Variants in DTNB observed in about 807,000 individuals in gnomAD.
The protein encoded by DTNB is DTN-B.
Under a neutral mutation model 90.7 loss-of-function variants are expected in DTNB, and 63 were observed. The observed-to-expected ratio is 0.69, with a 90% CI of 0.57 to 0.86. The LOEUF (loss-of-function observed/expected upper bound fraction) is 0.86, where lower values mean the gene tolerates loss of function less well. Among genes scored for constraint, DTNB ranks in the 40% least tolerant of loss-of-function variants. DTNB has a pLI of 0.00. For missense variants in DTNB, 744 were observed against 807.1 expected, an observed-to-expected ratio of 0.92 and a Z score of 0.95; for synonymous variants, 277 against 286.7, an observed-to-expected ratio of 0.97 and a Z score of 0.34.
In DTNB at chr2:25,411,904, G is replaced by A. The variant is rs537836095; in HGVS notation, c.1575+7611C>T. Reference sequence around the variant, plus strand: ...GGAAGTAGACTCAGGCTTCTATTTCGGAAGATTAAGAGCCACGGAGCCCAG... The same window carrying A: ...GGAAGTAGACTCAGGCTTCTATTTCAGAAGATTAAGAGCCACGGAGCCCAG... On this transcript the variant is annotated intron_variant, in intron 16 of 20. Coordinates refer to ENST00000406818, the MANE Select transcript of DTNB (RefSeq NM_021907.5). 2.0e-4 allele frequency among the ~76,000 whole-genome samples: 31 copies of A among 152,208 alleles called. 1 individual carries two copies. The highest frequency in any genetic ancestry group is 1.7e-3 in the Admixed American group (26 of 15,284).
At chr2:25,417,955 T>C (rs927205314) in intron 16 of DTNB, among the ~76,000 whole-genome samples, 1 of 152,152 alleles carries the variant, frequency 6.6e-6, no homozygotes, top group Admixed American at 6.5e-5. Flanking sequence ...GGTCATGTGA[T>C]TTGCTCTGGC....
At chr2:25,585,839 T>C (rs913077304) in intron 6 of DTNB, among the ~76,000 whole-genome samples, 1 of 152,218 alleles carries the variant, frequency 6.6e-6, no homozygotes, top group Admixed American at 6.5e-5. Flanking sequence ...AGGGCAAACA[T>C]ACATTAATCA....
rs998999580 is a variant in DTNB at position 25,481,811 on chromosome 2, T to C, written c.1079+985A>G. The C allele has an allele frequency of 8.5e-5, 13 of 152,358 alleles. No homozygotes were observed. The East Asian group carries it at 2.5e-3, about 29-fold the overall frequency. 9.4% of individuals were successfully genotyped at this position (152,358 alleles called of 1,614,324 possible). On this transcript the variant is annotated intron_variant, in intron 10 of 20. Coordinates refer to ENST00000406818, the MANE Select transcript of DTNB (RefSeq NM_021907.5). Reference sequence around the variant, plus strand: ...TCTTCAGAAATTCCAGTTCACTGGGTCTGATGTTGTCCCAGAAATCTGTTT... The same window carrying C: ...TCTTCAGAAATTCCAGTTCACTGGGCCTGATGTTGTCCCAGAAATCTGTTT...
At chr2:25,632,869 T>C (rs923126756) in intron 3 of DTNB, among the ~76,000 whole-genome samples, 2 of 152,140 alleles carry the variant, frequency 1.3e-5, no homozygotes, top group African/African-American at 2.4e-5. Context: ...AATAGTAAAA[T>C]GAAAGGTTTT....
intron 9 of DTNB, among the ~76,000 whole-genome samples, chr2:25,486,647 A>AG (rs2066239181): frequency 6.6e-6 from 1 of 152,004 alleles, no homozygotes; most frequent in Non-Finnish European, 1.5e-5. Context: ...AAAAAAAAAA[A>AG]AAGGTAATAC....
intron 5 of DTNB, among the ~76,000 whole-genome samples, chr2:25,603,129 A>C (rs919392247): frequency 3.9e-5 from 6 of 152,220 alleles, no homozygotes; most frequent in African/African-American, 1.4e-4. Context: ...TAAATTTATG[A>C]ATCTTTTGCT....
In DTNB at chr2:25,434,104, C is replaced by A. The variant is rs147271892; in HGVS notation, c.1258-109G>T. The A allele has an allele frequency of 7.6e-5, 75 of 981,164 alleles. No individual in the cohort carries two copies. The East Asian group carries it at 1.9e-3, about 25-fold the overall frequency. The allele number at this position is 981,164 out of a possible 1,614,324, so 60.8% of individuals were successfully genotyped here. On this transcript the variant is annotated intron_variant, in intron 12 of 20. Coordinates refer to ENST00000406818, the MANE Select transcript of DTNB (RefSeq NM_021907.5). ...GATTTTTGACATATAATTTACATAT[C>A]ATAAATCCACCCGTTTTAAGTATAC... is the stretch of plus-strand genomic sequence containing the variant.
At chr2:25,657,417 T>C (rs552707120) in intron 1 of DTNB, among the ~76,000 whole-genome samples, 1 of 152,106 alleles carries the variant, frequency 6.6e-6, no homozygotes, top group South Asian at 2.1e-4. Flanking sequence ...AGTACTTGTA[T>C]ACAAATTATA....
chr2:25,629,768 A>G (rs898214481), intron 3 of DTNB, among the ~76,000 whole-genome samples: 11 of 152,256 alleles, frequency 7.2e-5, no homozygotes, highest in African/African-American at 2.7e-4. Context: ...CAACCTGATA[A>G]AGGGCATCTA....
At chr2:25,406,070 G>T (rs1170045516) in intron 16 of DTNB, among the ~76,000 whole-genome samples, 1 of 152,112 alleles carries the variant, frequency 6.6e-6, no homozygotes, top group Non-Finnish European at 1.5e-5. Context: ...GGATATGGTG[G>T]GTGCTGATAA....
chr2:25,620,946 G>C (rs1194687313), intron 4 of DTNB, among the ~76,000 whole-genome samples: 3 of 152,142 alleles, frequency 2.0e-5, no homozygotes, highest in Admixed American at 6.5e-5. Flanking sequence ...AGAACTGCTT[G>C]AGCCCAGGAG....
chr2:25,433,815 G>C, intron 13 of DTNB, 95 bp downstream of exon 13: 2 of 1,424,402 alleles, frequency 1.4e-6, no homozygotes, highest in Middle Eastern at 1.8e-4. Flanking sequence ...CTTCCTTGGC[G>C]GTCAAAAGCC....
intron 16 of DTNB, among the ~76,000 whole-genome samples, chr2:25,399,910 C>T (rs1226044863): frequency 2.7e-5 from 3 of 112,102 alleles, no homozygotes; most frequent in South Asian, 2.8e-4. Flanking sequence ...CAAGAACCAA[C>T]ACTTTGCTTC....
intron 16 of DTNB, 127 bp from the exon 17 acceptor site, chr2:25,388,488 C>T: frequency 2.3e-6 from 3 of 1,303,852 alleles, no homozygotes; most frequent in Non-Finnish European, 3.1e-6. Flanking sequence ...CAAGATCATA[C>T]TTGAAAGGAA....
At position 25,383,879 on chromosome 2, in the gene DTNB, A is replaced by G. The variant is rs1373817001; in HGVS notation, c.1836T>C (p.Gly612=). 2 of 1,613,792 alleles carry G rather than the reference A, an allele frequency of 1.2e-6. No individual in the cohort carries two copies. Among genetic ancestry groups the G allele is most frequent in the Non-Finnish European group, 1.7e-6 (2 of 1,179,886 alleles). The change falls in exon 19 of 21, where the codon GGT becomes GGC. Residue 612 remains glycine, a synonymous_variant. Coordinates refer to ENST00000406818, the MANE Select transcript of DTNB (RefSeq NM_021907.5). The part of the protein sequence containing the change: ...LVKELHSAEE[G]AEEEEEKMQN... Reference sequence around the variant, plus strand: ...GCATCTTCTCTTCTTCTTCCTCTGCACCTTCCTCTGCTGTGAAAACAAGTC... The same window carrying G: ...GCATCTTCTCTTCTTCTTCCTCTGCGCCTTCCTCTGCTGTGAAAACAAGTC...
intron 10 of DTNB, among the ~76,000 whole-genome samples, chr2:25,457,944 C>T (rs1378550616): frequency 6.6e-6 from 1 of 152,090 alleles, no homozygotes; most frequent in Non-Finnish European, 1.5e-5. Flanking sequence ...AGCCATCCTC[C>T]TGCCTCAGCC....
chr2:25,396,360 A>C (rs965892864), intron 16 of DTNB, among the ~76,000 whole-genome samples: 3 of 151,988 alleles, frequency 2.0e-5, no homozygotes, highest in Non-Finnish European at 4.4e-5. Context: ...AAAATACAAA[A>C]ATTAGCCAGA....
chr2:25,600,428 G>A (rs2148451389), intron 5 of DTNB, among the ~76,000 whole-genome samples: 1 of 152,326 alleles, frequency 6.6e-6, no homozygotes, highest in South Asian at 2.1e-4. Flanking sequence ...TCCTAAGGAC[G>A]AAGGCCATAT....
chr2:25,549,317 T>C (rs1176152844), intron 8 of DTNB, among the ~76,000 whole-genome samples: 1 of 152,046 alleles, frequency 6.6e-6, no homozygotes, highest in Non-Finnish European at 1.5e-5. Flanking sequence ...CTTTCTTTTC[T>C]CCTACTTTCC....
Sources: allele counts gnomAD v4.1 joint callset (sites outside exome capture counted in the v4.1 genomes callset), GRCh38; gene constraint gnomAD v4.1.1; transcripts MANE v1.5; gene names NCBI Gene and HGNC (gene_info 2026-07-23, HGNC 2026-07-21).